Variants in TENM4 observed in about 807,000 individuals in gnomAD.
TENM4 encodes teneurin-4.
In TENM4, 82 loss-of-function variants were observed where a neutral mutation model predicts 243.3. That is an observed-to-expected ratio of 0.34 (90% CI 0.28 to 0.40). The LOEUF is 0.40. Among genes scored for constraint, TENM4 ranks in the 10% least tolerant of loss-of-function variants. The probability of loss-of-function intolerance (pLI) is 1.00; values close to 1 mark genes in which losing one functional copy is unlikely to be tolerated. For synonymous variants in TENM4, 1,412 were observed against 1,456.3 expected, an observed-to-expected ratio of 0.97 and a Z score of 0.69; for missense variants, 3,138 against 3,673.3, an observed-to-expected ratio of 0.85 and a Z score of 3.77.
chr11:78,892,331 G>A (rs1023651368), intron 7 of TENM4, among the ~76,000 whole-genome samples: 3 of 152,170 alleles, frequency 2.0e-5, no homozygotes, highest in African/African-American at 7.2e-5. Flanking sequence ...ACAATCCAGT[G>A]GTGGCTTCAG....
chr11:79,349,239 G>A (rs1057264467), intron 1 of TENM4, among the ~76,000 whole-genome samples: 11 of 152,106 alleles, frequency 7.2e-5, no homozygotes, highest in Non-Finnish European at 1.5e-5. Context: ...AAGAGATGAG[G>A]ATCCATCACT....
chr11:79,062,867 G>A (rs1231797077), intron 6 of TENM4, among the ~76,000 whole-genome samples: 1 of 152,060 alleles, frequency 6.6e-6, no homozygotes, highest in East Asian at 1.9e-4. Flanking sequence ...TGGTCGGGGT[G>A]GGGAGAAGCA....
chr11:79,060,542 G>A (rs1156688570), intron 6 of TENM4, among the ~76,000 whole-genome samples: 1 of 152,200 alleles, frequency 6.6e-6, no homozygotes, highest in East Asian at 1.9e-4. Context: ...GTTGCTGGGG[G>A]TTATGCTTCA....
At chr11:79,420,944 C>T (rs1423246273) in intron 1 of TENM4, among the ~76,000 whole-genome samples, 2 of 152,162 alleles carry the variant, frequency 1.3e-5, no homozygotes, top group Non-Finnish European at 2.9e-5. Flanking sequence ...CCTTCCAAAG[C>T]TTTCACTTAG....
intron 6 of TENM4, among the ~76,000 whole-genome samples, chr11:79,022,806 T>C (rs1375040232): frequency 2.0e-5 from 3 of 152,150 alleles, no homozygotes; most frequent in Non-Finnish European, 4.4e-5. Flanking sequence ...GTGAAGATGA[T>C]GAAGATGAAG....
rs1040300539 is a variant in TENM4, at chr11:78,751,656, A to C, written c.2756+5149T>G. ...CAGCATCGGCAACCTGTAACTATTC[A>C]CTGAGGGGATATCTGACCCACATCC... On this transcript the variant is annotated intron_variant, in intron 19 of 33. Coordinates refer to ENST00000278550, the MANE Select transcript of TENM4 (RefSeq NM_001098816.3). Among the ~76,000 whole-genome samples, 5 of 152,148 alleles carry C rather than the reference A, an allele frequency of 3.3e-5. No individual in the cohort carries two copies. The South Asian group carries it at 1.0e-3, about 32-fold the overall frequency.
At chr11:78,962,666 C>T (rs965499943) in intron 6 of TENM4, among the ~76,000 whole-genome samples, 2 of 152,222 alleles carry the variant, frequency 1.3e-5, no homozygotes, top group Non-Finnish European at 2.9e-5. Context: ...CTAGTCCTGA[C>T]GGGGCTAGGT....
At chr11:78,915,536 T>G (rs890717388) in intron 6 of TENM4, among the ~76,000 whole-genome samples, 2 of 152,208 alleles carry the variant, frequency 1.3e-5, no homozygotes, top group Admixed American at 1.3e-4. Flanking sequence ...ATCCTCATCC[T>G]TCTCTTTAAA....
At chr11:79,197,382 G>C (rs1221221698) in intron 3 of TENM4, among the ~76,000 whole-genome samples, 5 of 149,628 alleles carry the variant, frequency 3.3e-5, no homozygotes, top group Non-Finnish European at 5.9e-5. Context: ...CCCAACCCCA[G>C]CTCAGTGGAA....
Position 78,658,614 on chromosome 11 carries a change from C to A in TENM4, c.7754G>T (p.Ser2585Ile), listed in dbSNP as rs1167921603. Residue 2585 changes from serine to isoleucine, a missense_variant, in exon 34 of 34, where the codon AGT becomes ATT. Ser to Ile is a moderately radical substitution (Grantham distance 142). Transcript: ENST00000278550. ...CCTTCGCCCATCCTCATTGGCCACACTGATGATGTCTGTGGTCACTCGGCC... is the reference window on the plus strand; with the variant it reads ...CCTTCGCCCATCCTCATTGGCCACAATGATGATGTCTGTGGTCACTCGGCC... Reference protein sequence around the residue: ...KDGRVTTDIISVANEDGRRVA... With the variant: ...KDGRVTTDIIIVANEDGRRVA... 1 of 1,614,032 alleles carries A rather than the reference C, an allele frequency of 6.2e-7. No homozygotes were observed. Among genetic ancestry groups the A allele is most frequent in the Admixed American group, 1.7e-5 (1 of 60,026 alleles).
intron 7 of TENM4, among the ~76,000 whole-genome samples, chr11:78,891,706 G>A (rs183483473): frequency 5.0e-4 from 76 of 152,276 alleles, no homozygotes; most frequent in Non-Finnish European, 8.1e-4. Context: ...AGGAAACTGA[G>A]ATGTGGAGAG....
chr11:79,396,018 T>A (rs1210938473), intron 1 of TENM4, among the ~76,000 whole-genome samples: 1 of 152,182 alleles, frequency 6.6e-6, no homozygotes, highest in Non-Finnish European at 1.5e-5. Context: ...TCAGCAGGTG[T>A]GCAACAAACA....
At chr11:78,965,728 T>G (rs563418885) in intron 6 of TENM4, among the ~76,000 whole-genome samples, 65 of 152,222 alleles carry the variant, frequency 4.3e-4, no homozygotes, top group Non-Finnish European at 8.8e-4. Flanking sequence ...TCCTCTGGCC[T>G]CTGGGTTGCT....
intron 4 of TENM4, among the ~76,000 whole-genome samples, chr11:79,081,953 TG>T (rs1251003979): frequency 3.3e-5 from 5 of 152,066 alleles, no homozygotes; most frequent in Non-Finnish European, 5.9e-5. Context: ...TTAGAGCAGG[TG>T]GGTTGTCCTT....
At chr11:79,164,823 T>C (rs1314968696) in intron 3 of TENM4, among the ~76,000 whole-genome samples, 1 of 151,924 alleles carries the variant, frequency 6.6e-6, no homozygotes, top group Non-Finnish European at 1.5e-5. Context: ...AGGTAAGAAG[T>C]GCCTTTCACC....
chr11:79,435,897 T>C (rs1373364865), intron 1 of TENM4, among the ~76,000 whole-genome samples: 1 of 152,212 alleles, frequency 6.6e-6, no homozygotes, highest in Non-Finnish European at 1.5e-5. Context: ...TGCATGAGGA[T>C]GCAACTCTGT....
intron 2 of TENM4, among the ~76,000 whole-genome samples, chr11:79,287,776 A>T (rs139071748): frequency 6.6e-6 from 1 of 152,206 alleles, no homozygotes; most frequent in Admixed American, 6.5e-5. Context: ...AGGATTCTAG[A>T]TTCTTCCCTA....
At chr11:78,704,159 C>CTACATATATATATATATA (rs1859183625) in intron 27 of TENM4, among the ~76,000 whole-genome samples, 1 of 106,028 alleles carries the variant, frequency 9.4e-6, no homozygotes, top group South Asian at 3.4e-4. Context: ...GTATGTGTGT[C>CTACATATATATATATATA]TATATATATA....
chr11:79,110,900 A>G (rs9667214), intron 4 of TENM4, among the ~76,000 whole-genome samples: 36,060 of 152,106 alleles, frequency 0.24, 4,935 homozygotes, highest in African/African-American at 0.39. Flanking sequence ...TTTCAGGGCT[A>G]ACTCATTCAC....
Sources: allele counts gnomAD v4.1 joint callset (sites outside exome capture counted in the v4.1 genomes callset), GRCh38; gene constraint gnomAD v4.1.1; transcripts MANE v1.5; gene names NCBI Gene and HGNC (gene_info 2026-07-23, HGNC 2026-07-21).